Variants in LMBR1L observed in about 807,000 individuals in gnomAD.
LMBR1L encodes protein LMBR1L.
A neutral mutation model predicts 67.3 loss-of-function variants in LMBR1L; 47 were observed. That is an observed-to-expected ratio of 0.70 (90% confidence interval 0.55 to 0.89). The LOEUF is 0.89. Among genes scored for constraint, LMBR1L ranks in the 40% least tolerant of loss-of-function variants. The pLI is 0.00. For synonymous variants in LMBR1L, 247 were observed against 250.3 expected (o/e 0.99, Z 0.13); for missense variants, 533 against 599.2 (o/e 0.89, Z 1.15).
intron 5 of LMBR1L, chr12:49,104,089 C>T (rs1940576838): frequency 2.0e-6 from 1 of 487,892 alleles, no homozygotes; most frequent in Non-Finnish European, 3.6e-6. Context: ...ATCCCACAAG[C>T]TCTTTGCCCT....
Position 49,101,254 on chromosome 12 carries a change from T to G in LMBR1L, c.1078A>C (p.Ile360Leu). ...GATGGGTTTCCAGAAGGATACAAGA[T>G]GAGTACAACCTGAATGACGGCACCA... ...SFGAVIQVVL[I>L]FYLMVSSVVG... Residue 360 changes from isoleucine to leucine, a missense_variant, in exon 13 of 17, where the codon ATC becomes CTC. By Grantham distance (5) the Ile-to-Leu change is conservative. This residue lies in a region of LMBR1L where 223 missense variants were observed against 241.2 expected (regional missense o/e 0.92). Coordinates refer to ENST00000267102, the MANE Select transcript of LMBR1L (RefSeq NM_018113.4). 1 of 1,614,052 alleles carries G rather than the reference T, an allele frequency of 6.2e-7. No homozygotes were observed. The highest frequency in any genetic ancestry group is 8.5e-7 in the Non-Finnish European group (1 of 1,180,002).
Position 49,102,645 on chromosome 12 carries a change from C to G in LMBR1L, c.697-105G>C, listed in dbSNP as rs184447458. On this transcript the variant is annotated intron_variant, in intron 8 of 16. Coordinates refer to ENST00000267102, the MANE Select transcript of LMBR1L (RefSeq NM_018113.4). Reference sequence around the variant, plus strand: ...GGGCTCCGTAGTCCCAGGCTTCCCCCAGACCCTCATTCACCACCCTGTGGC... The same window carrying G: ...GGGCTCCGTAGTCCCAGGCTTCCCCGAGACCCTCATTCACCACCCTGTGGC... 305 of 1,215,156 alleles carry G rather than the reference C, an allele frequency of 2.5e-4. 3 individuals carry two copies. The African/African-American group carries it at 4.0e-3, about 16-fold the overall frequency. The allele number at this position is 1,215,156 out of a possible 1,614,324, so 75.3% of individuals were successfully genotyped here.
chr12:49,106,399 C>T (rs773905226), intron 2 of LMBR1L: 2 of 395,962 alleles, frequency 5.1e-6, no homozygotes, highest in Non-Finnish European at 9.7e-6. Flanking sequence ...AGGGGGGACT[C>T]ATCCTGAGCC....
rs753857807 is a variant in LMBR1L, at chr12:49,097,981, G to A, written c.1365C>T (p.Phe455=). ...GLTTLCLVKT[F]TAAVRAELIR... ...TCAGCTCTGCCCGCACAGCTGCAGT[G>A]AAGGTCTTCACCAGACAGAGTGTGG... The change falls in exon 16 of 17, where the codon TTC becomes TTT. Residue 455 remains phenylalanine (F), a synonymous_variant. Transcript: ENST00000267102. The A allele has an allele frequency of 1.2e-5, 19 of 1,613,934 alleles. No homozygotes were observed. In the African/African-American group the frequency reaches 1.9e-4, roughly 16 times the overall value.
chr12:49,105,203 G>A, intron 3 of LMBR1L: 1 of 321,648 alleles, frequency 3.1e-6, no homozygotes, highest in South Asian at 4.8e-5. Flanking sequence ...TGCCAGGTAT[G>A]ATGCCAAAAC....
chr12:49,103,737 A>G lies in LMBR1L; in HGVS notation c.512T>C (p.Val171Ala), dbSNP rs1020772933. 1 of 1,613,984 alleles carries G rather than the reference A, an allele frequency of 6.2e-7. No homozygotes were observed. The highest frequency in any genetic ancestry group is 1.7e-5 in the Admixed American group (1 of 59,982). ...GTTCTTGTCCACAATGGCTGATGCC[A>G]CCCACACCATACCTAGCACCAGCAG... is the stretch of plus-strand genomic sequence containing the variant. ...LTLLVLGMVW[V>A]ASAIVDKNKA... Residue 171 changes from valine to alanine, a missense_variant, in exon 6 of 17, where the codon GTG (valine) becomes GCG (alanine). By Grantham distance (64) the Val-to-Ala change is moderately conservative (BLOSUM62 0). Coordinates refer to ENST00000267102, the MANE Select transcript of LMBR1L (RefSeq NM_018113.4).
chr12:49,110,062 A>G (rs962217910), intron 1 of LMBR1L: 6 of 463,642 alleles, frequency 1.3e-5, no homozygotes, highest in African/African-American at 9.9e-5. Flanking sequence ...CTTTTCTGGA[A>G]TCAAGCTCAG....
In LMBR1L at chr12:49,097,404, T is replaced by C. The variant is rs1032240339; in HGVS notation, c.*268A>G. ...TGGCCCAGAACAGCAGTGAGGCAGA[T>C]TGATGTGTAAACAGATTTGGGATCA... On this transcript the variant is annotated 3_prime_UTR_variant, in exon 17 of 17. Coordinates refer to ENST00000267102, the MANE Select transcript of LMBR1L (RefSeq NM_018113.4). 1.4e-5 allele frequency: 7 copies of C among 497,898 alleles called. No homozygotes were observed. Among genetic ancestry groups the C allele is most frequent in the African/African-American group, 5.8e-5 (3 of 52,148 alleles). 30.8% of individuals were successfully genotyped at this position (497,898 alleles called of 1,614,324 possible).
At chr12:49,103,979 A>G in intron 5 of LMBR1L, 166 bp from the exon 6 acceptor site, 2 of 657,278 alleles carry the variant, frequency 3.0e-6, no homozygotes, top group East Asian at 2.8e-5. Context: ...TCCCCAGTCT[A>G]AGGTCACCCC....
intron 1 of LMBR1L, among the ~76,000 whole-genome samples, chr12:49,109,282 C>T: frequency 6.6e-6 from 1 of 152,206 alleles, no homozygotes; most frequent in East Asian, 1.9e-4. Context: ...AGCCTCCAGC[C>T]CGACACTGTC....
At position 49,098,089 on chromosome 12, in the gene LMBR1L, G is replaced by A; in HGVS notation, c.1257C>T (p.Asp419=). Residue 419 remains aspartate, a synonymous_variant, in exon 16 of 17, where the codon GAC becomes GAT. Transcript: ENST00000267102. The part of the protein sequence containing the change: ...FSRTLGLTRF[D]LLGDFGRFNW... ...TGAAGCGTCCAAAGTCACCCAGCAG[G>A]TCAAAGCGAGTGAGCCCTGAAGCAC... The A allele has an allele frequency of 1.9e-6, 3 of 1,613,862 alleles. No individual in the cohort carries two copies. The highest frequency in any genetic ancestry group is 2.5e-6 in the Non-Finnish European group (3 of 1,179,786).
intron 1 of LMBR1L, 178 bp downstream of exon 1, chr12:49,110,306 C>G: frequency 1.6e-6 from 1 of 638,690 alleles, no homozygotes; most frequent in South Asian, 1.8e-5. Context: ...AGGGACCCAG[C>G]TGATCCCATC....
chr12:49,100,431 G>A lies in LMBR1L; in HGVS notation c.1197C>T (p.Leu399=), dbSNP rs1473865671. ...MTQIIGNCVC[L]LVLSSALPVF... Reference sequence around the variant, plus strand: ...CAGGAAGTGCTGAGCTTAGGACCAGGAGACAGACACAGTTCCCAATTATCT... The same window carrying A: ...CAGGAAGTGCTGAGCTTAGGACCAGAAGACAGACACAGTTCCCAATTATCT... Residue 399 remains leucine (L), a synonymous_variant, in exon 15 of 17, where the codon CTC becomes CTT. Coordinates refer to ENST00000267102, the MANE Select transcript of LMBR1L (RefSeq NM_018113.4). 12 of 1,613,942 alleles carry A rather than the reference G, an allele frequency of 7.4e-6. No individual in the cohort carries two copies. The highest frequency in any genetic ancestry group is 1.0e-5 in the Non-Finnish European group (12 of 1,179,896).
chr12:49,102,453 A>C lies in LMBR1L; in HGVS notation c.769+15T>G. 6.2e-7 allele frequency: 1 copy of C among 1,614,142 alleles called. No individual in the cohort carries two copies. Among genetic ancestry groups the C allele is most frequent in the Non-Finnish European group, 8.5e-7 (1 of 1,179,960 alleles). ...GCCAAGCCTACCACCCCAGCAGGGA[A>C]GAACTGCAACTTACTACAGATCCTG... On this transcript the variant is annotated intron_variant, in intron 9 of 16. Transcript: ENST00000267102.
At chr12:49,100,187 T>C (rs755391960) in intron 15 of LMBR1L, among the ~76,000 whole-genome samples, 1 of 152,196 alleles carries the variant, frequency 6.6e-6, no homozygotes, top group African/African-American at 2.4e-5. Flanking sequence ...ATGTAGCAAA[T>C]GTAAAAAGTA....
In LMBR1L at chr12:49,097,743, G is replaced by A; in HGVS notation, c.1403-4C>T. ...GGCAGCGGCAGTCTGTCCAGCCCTG[G>A]AGAAGAGGAGATGGGCAGTCAAAAG... On this transcript the variant is annotated splice_region_variant and splice_polypyrimidine_tract_variant and intron_variant, in intron 16 of 16. Transcript: ENST00000267102. 6.2e-7 allele frequency: 1 copy of A among 1,613,952 alleles called. No homozygotes were observed. Among genetic ancestry groups the A allele is most frequent in the East Asian group, 2.2e-5 (1 of 44,880 alleles).
intron 2 of LMBR1L, chr12:49,106,626 T>C (rs930123593): frequency 7.4e-7 from 1 of 1,343,848 alleles, no homozygotes; most frequent in Non-Finnish European, 9.9e-7. Context: ...CCTGTGCCCG[T>C]AATGACATTC....
At position 49,103,149 on chromosome 12, in the gene LMBR1L, C is replaced by T. The variant is rs769314421; in HGVS notation, c.573G>A (p.Glu191=). 2 of 1,613,876 alleles carry T rather than the reference C, an allele frequency of 1.2e-6. No homozygotes were observed. Among genetic ancestry groups the T allele is most frequent in the Non-Finnish European group, 1.7e-6 (2 of 1,179,762 alleles). Residue 191 remains glutamate (E), a synonymous_variant, in exon 7 of 17, where the codon GAG becomes GAA. Transcript: ENST00000267102. The part of the protein sequence containing the change: ...ANRESLYDFW[E]YYLPYLYSCI... ...ATGAGTAGAGGTAGGGGAGATAGTA[C>T]TCCCAAAAGTCTAAGGATAAAAAAA...
At position 49,110,586 on chromosome 12, in the gene LMBR1L, C is replaced by A. The variant is rs199737351; in HGVS notation, c.-31G>T. 1,154 of 1,602,278 alleles carry A rather than the reference C, an allele frequency of 7.2e-4. 8 individuals carry two copies. In the African/African-American group the frequency reaches 0.013, roughly 19 times the overall value. On this transcript the variant is annotated 5_prime_UTR_variant, in exon 1 of 17. Coordinates refer to ENST00000267102, the MANE Select transcript of LMBR1L (RefSeq NM_018113.4). ...GCTCAGCATGACTGAAGCCGAGGTG[C>A]CTCTGGGCCCGGGGAGGACGAGCGG...
Sources: allele counts gnomAD v4.1 joint callset (sites outside exome capture counted in the v4.1 genomes callset), GRCh38; gene constraint gnomAD v4.1.1; regional missense constraint gnomAD v4.1.1; transcripts MANE v1.5; gene names NCBI Gene and HGNC (gene_info 2026-07-23, HGNC 2026-07-21).